The following OPCML variants were observed in gnomAD, a reference collection of about 807,000 sequenced individuals.
OPCML encodes the protein opioid binding protein/cell adhesion molecule like.
Under a neutral mutation model 37.8 loss-of-function variants are expected in OPCML, and 13 were observed. That is an observed-to-expected ratio of 0.34 (90% CI 0.22 to 0.55). The LOEUF (loss-of-function observed/expected upper bound fraction) is 0.55. Ranked by LOEUF, OPCML falls within the 20% of genes least tolerant of loss-of-function variation. The probability of loss-of-function intolerance (pLI) is 0.91; values close to 1 mark genes in which losing one functional copy is unlikely to be tolerated. For synonymous variants in OPCML, 176 were observed against 168.8 expected (o/e 1.04, Z -0.33); for missense variants, 341 against 435.6 (o/e 0.78, Z 1.93).
chr11:133,422,385 ATATATATATG>A lies in OPCML; in HGVS notation c.61+109869_61+109878del, dbSNP rs537551345. 4.3e-3 allele frequency: 4,060 copies of A among 938,882 alleles called. 352 individuals carry two copies. The highest frequency in any genetic ancestry group is 0.017 in the African/African-American group (724 of 43,522). The allele number at this position is 938,882 out of a possible 1,614,324, so 58.2% of individuals were successfully genotyped here. ...CTCTCAGACCAAAGACATTATATAT[ATATATATATG>A]TATATATGCGCCAGTTCAAACCCTT... On this transcript the variant is annotated intron_variant, in intron 1 of 7. Transcript: ENST00000524381.
At position 133,458,596 on chromosome 11, in the gene OPCML, CGTGT is replaced by C. The variant is rs375652958; in HGVS notation, c.61+73664_61+73667del. ...ACACGTGTGTGTACACATATATACA[CGTGT>C]GTGTGTGTATACACATATATACACG... On this transcript the variant is annotated intron_variant, in intron 1 of 7. Coordinates refer to ENST00000524381, the MANE Select transcript of OPCML (RefSeq NM_001012393.5). Among the ~76,000 whole-genome samples, 37 of 95,678 alleles carry C rather than the reference CGTGT, an allele frequency of 3.9e-4. 4 individuals are homozygous for C. Among genetic ancestry groups the C allele is most frequent in the Admixed American group, 2.9e-3 (31 of 10,704 alleles). The allele number at this position is 95,678 out of a possible 152,430, so 62.8% of individuals were successfully genotyped here. A position where few individuals can be genotyped will look rare whatever the true frequency, so the allele number is the denominator to read the frequency against.
At chr11:132,434,909 G>A (rs1481768920) in intron 7 of OPCML, among the ~76,000 whole-genome samples, 1 of 152,016 alleles carries the variant, frequency 6.6e-6, no homozygotes, top group Admixed American at 6.6e-5. Flanking sequence ...CCAAATATAA[G>A]GTTCTTGTTT....
chr11:132,764,773 A>G (rs114861364), intron 2 of OPCML, among the ~76,000 whole-genome samples: 2,267 of 152,314 alleles, frequency 0.015, 52 homozygotes, highest in African/African-American at 0.051. Flanking sequence ...ATGCAGGGGA[A>G]GTGGCTTTGC....
intron 1 of OPCML, among the ~76,000 whole-genome samples, chr11:133,437,543 T>A (rs1946259984): frequency 1.3e-5 from 2 of 152,122 alleles, no homozygotes; most frequent in African/African-American, 4.8e-5. Context: ...GACTCTTCCC[T>A]TCCGCTTTGA....
At position 132,750,591 on chromosome 11, in the gene OPCML, G is replaced by A. The variant is rs771442334; in HGVS notation, c.147-93272C>T. Among the ~76,000 whole-genome samples the A allele has an allele frequency of 3.1e-4, 47 of 152,168 alleles. 2 individuals are homozygous for A. The highest frequency in any genetic ancestry group is 6.5e-4 in the Non-Finnish European group (44 of 68,030). On this transcript the variant is annotated intron_variant, in intron 2 of 7. Transcript: ENST00000524381. Reference sequence around the variant, plus strand: ...GAACGAGGAGAGACAGGAAAGATAGGAGATCTGAAGATCATTTTATTGAAT... The same window carrying A: ...GAACGAGGAGAGACAGGAAAGATAGAAGATCTGAAGATCATTTTATTGAAT...
chr11:132,745,923 G>A (rs2511445), intron 2 of OPCML, among the ~76,000 whole-genome samples: 8,709 of 152,168 alleles, frequency 0.057, 355 homozygotes, highest in Non-Finnish European at 0.086. Flanking sequence ...CCTGCATAGC[G>A]GGCAGGAACA....
intron 1 of OPCML, among the ~76,000 whole-genome samples, chr11:133,258,316 G>A (rs1321854013): frequency 6.6e-6 from 1 of 152,190 alleles, no homozygotes; most frequent in Non-Finnish European, 1.5e-5. Context: ...AGGAGCTAAT[G>A]AACATATTAT....
rs1379321541 is a variant in OPCML, at chr11:133,208,617, T to C, written c.62-265607A>G. 1.3e-5 allele frequency among the ~76,000 whole-genome samples: 2 copies of C among 152,212 alleles called. No individual in the cohort carries two copies. Among genetic ancestry groups the C allele is most frequent in the Non-Finnish European group, 2.9e-5 (2 of 68,036 alleles). On this transcript the variant is annotated intron_variant, in intron 1 of 7. Transcript: ENST00000524381. This position sits in a 1 kb window ranked among gnomAD's most constrained non-coding sequence, Gnocchi z 8.9. ...GCTGGATTTTGACACATATTTGACA[T>C]GCATCTCACCTCGAGTTATCCTTTG...
At chr11:132,664,246 T>C (rs372650073) in intron 2 of OPCML, among the ~76,000 whole-genome samples, 2 of 152,264 alleles carry the variant, frequency 1.3e-5, no homozygotes, top group African/African-American at 2.4e-5. Context: ...AGTTTTATGA[T>C]TGCACATATA....
At chr11:133,062,911 G>A (rs914383525) in intron 1 of OPCML, among the ~76,000 whole-genome samples, 2 of 152,256 alleles carry the variant, frequency 1.3e-5, no homozygotes, top group Non-Finnish European at 2.9e-5. Context: ...CAGCCAGCCG[G>A]CAGCTGCAGC....
intron 3 of OPCML, among the ~76,000 whole-genome samples, chr11:132,590,721 G>T (rs1395748754): frequency 6.6e-6 from 1 of 152,238 alleles, no homozygotes; most frequent in East Asian, 1.9e-4. Flanking sequence ...ACACACGCAT[G>T]ACACCAGCAT....
chr11:133,294,491 T>C (rs1338995610), intron 1 of OPCML, among the ~76,000 whole-genome samples: 1 of 151,916 alleles, frequency 6.6e-6, no homozygotes, highest in Non-Finnish European at 1.5e-5. Context: ...TCTTCATTTG[T>C]TGAACAAATA....
chr11:133,229,346 T>C (rs1229772725), intron 1 of OPCML, among the ~76,000 whole-genome samples: 1 of 152,202 alleles, frequency 6.6e-6, no homozygotes, highest in African/African-American at 2.4e-5. Context: ...CCAGATCAAT[T>C]GTCTTGGTAT....
At chr11:132,734,126 T>C (rs1243507038) in intron 2 of OPCML, among the ~76,000 whole-genome samples, 1 of 152,158 alleles carries the variant, frequency 6.6e-6, no homozygotes, top group Non-Finnish European at 1.5e-5. Flanking sequence ...TCTTGATATA[T>C]GGTAAATATT....
intron 1 of OPCML, among the ~76,000 whole-genome samples, chr11:133,457,375 T>G (rs192409833): frequency 1.9e-3 from 293 of 151,750 alleles, no homozygotes; most frequent in Middle Eastern, 3.4e-3. Context: ...CTGCAAAAAA[T>G]AAAAAATTTA....
At chr11:132,556,943 G>A (rs1435261065) in intron 3 of OPCML, among the ~76,000 whole-genome samples, 1 of 152,104 alleles carries the variant, frequency 6.6e-6, no homozygotes, top group East Asian at 1.9e-4. Context: ...AACCCATGAG[G>A]AAGAGAGTTC....
At chr11:133,376,569 A>G (rs1446975012) in intron 1 of OPCML, among the ~76,000 whole-genome samples, 1 of 152,216 alleles carries the variant, frequency 6.6e-6, no homozygotes, top group Non-Finnish European at 1.5e-5. Flanking sequence ...GTTTATAAAT[A>G]CATTTATGTG....
intron 1 of OPCML, among the ~76,000 whole-genome samples, chr11:132,964,454 CA>C (rs1028435967): frequency 5.3e-5 from 8 of 152,146 alleles, no homozygotes; most frequent in African/African-American, 1.9e-4. Context: ...AGACATATGC[CA>C]TAACCTGTGT....
At chr11:132,538,519 T>C (rs2096346829) in intron 3 of OPCML, among the ~76,000 whole-genome samples, 1 of 152,166 alleles carries the variant, frequency 6.6e-6, no homozygotes, top group East Asian at 1.9e-4. Flanking sequence ...TTCTAAAAGC[T>C]CTGAACTGTT....
Sources: gnomAD v4.1 joint callset for allele counts (sites outside exome capture counted in the v4.1 genomes callset) on GRCh38, gnomAD v4.1.1 for gene constraint, Gnocchi (gnomAD v3.1) non-coding constraint, MANE v1.5 for transcripts, NCBI Gene and HGNC (gene_info 2026-07-23, HGNC 2026-07-21) for gene names.